The following GARIN1A variants were observed in gnomAD, a reference collection of about 807,000 sequenced individuals.
GARIN1A encodes golgi associated RAB2 interactor 1A.
the GARIN1A span, chr7:128,685,202 C>G: frequency 1.3e-5 from 2 of 152,216 alleles, no homozygotes; most frequent in Non-Finnish European, 2.9e-5. Context: ...CGCCCAGCCC[C>G]ACCACGCCCA....
At chr7:128,675,222 G>C in the GARIN1A span, among the ~76,000 whole-genome samples, 1 of 152,174 alleles carries the variant, frequency 6.6e-6, no homozygotes, top group Non-Finnish European at 1.5e-5. Context: ...CATCCTGGGA[G>C]AAGTGCTCCA....
At chr7:128,674,656 C>CT in the GARIN1A span, among the ~76,000 whole-genome samples, 106 of 150,036 alleles carry the variant, frequency 7.1e-4, no homozygotes, top group African/African-American at 2.2e-3. Context: ...AGAAGTGTCA[C>CT]TTTTTTTTTT....
At chr7:128,681,511 C>A in the GARIN1A span, among the ~76,000 whole-genome samples, 1 of 142,664 alleles carries the variant, frequency 7.0e-6, no homozygotes, top group Non-Finnish European at 1.5e-5. Context: ...CTTTCCTCTC[C>A]TCTCCTTTCC....
At chr7:128,683,239 A>C in the GARIN1A span, 1 of 1,147,326 alleles carries the variant, frequency 8.7e-7, no homozygotes, top group Non-Finnish European at 1.2e-6. Flanking sequence ...ACTGTGAGCC[A>C]AGTGACCTTG....
chr7:128,680,815 C>T, the GARIN1A span, among the ~76,000 whole-genome samples: 19 of 152,168 alleles, frequency 1.2e-4, no homozygotes, highest in Non-Finnish European at 2.9e-5. Flanking sequence ...GATCCACCCA[C>T]CTTGGCCTCC....
chr7:128,700,243 C>T, the GARIN1A span, among the ~76,000 whole-genome samples: 1 of 150,038 alleles, frequency 6.7e-6, no homozygotes, highest in Non-Finnish European at 1.5e-5. Flanking sequence ...TTCTTTAGTA[C>T]TGACATTTAG....
the GARIN1A span, chr7:128,684,927 A>G: frequency 1.3e-5 from 2 of 149,136 alleles, no homozygotes; most frequent in African/African-American, 4.9e-5. Context: ...TTTTTGAGAC[A>G]GTCTTGTTCT....
chr7:128,704,538 C>G, the GARIN1A span, among the ~76,000 whole-genome samples: 1 of 152,100 alleles, frequency 6.6e-6, no homozygotes, highest in East Asian at 1.9e-4. Flanking sequence ...CTCCTGACTT[C>G]AGGTAATCTG....
the GARIN1A span, chr7:128,690,416 AAATAAT>A: frequency 9.1e-6 from 1 of 109,738 alleles, no homozygotes; most frequent in Non-Finnish European, 1.9e-5. Context: ...ATAAATAAAT[AAATAAT>A]AATAATAATA....
chr7:128,672,196 T>C, the GARIN1A span: 4 of 506,034 alleles, frequency 7.9e-6, no homozygotes, highest in Non-Finnish European at 1.4e-5. Context: ...TTTTTTCCCT[T>C]TTCTGTTGTC....
chr7:128,689,142 GGCTC>G, the GARIN1A span, among the ~76,000 whole-genome samples: 1 of 151,682 alleles, frequency 6.6e-6, no homozygotes, highest in Non-Finnish European at 1.5e-5. Flanking sequence ...GCGTGATCTC[GGCTC>G]GCTACAACCT....
chr7:128,698,969 A>C, the GARIN1A span, among the ~76,000 whole-genome samples: 1 of 152,124 alleles, frequency 6.6e-6, no homozygotes, highest in Non-Finnish European at 1.5e-5. Context: ...GAATAGGGGA[A>C]CATCCTGTGT....
the GARIN1A span, among the ~76,000 whole-genome samples, chr7:128,699,702 G>T: frequency 6.6e-5 from 10 of 152,138 alleles, no homozygotes; most frequent in Non-Finnish European, 1.3e-4. Context: ...CAATTGTTGG[G>T]TGTAGTGTTC....
At chr7:128,676,673 G>C in the GARIN1A span, among the ~76,000 whole-genome samples, 1 of 151,376 alleles carries the variant, frequency 6.6e-6, no homozygotes, top group Non-Finnish European at 1.5e-5. Flanking sequence ...GAAATGCTGA[G>C]ATTGAAAAAA....
the GARIN1A span, chr7:128,684,115 C>T: frequency 1.3e-5 from 2 of 152,106 alleles, no homozygotes; most frequent in East Asian, 3.8e-4. Context: ...TATCAGTCTG[C>T]TCAGTTGAAA....
chr7:128,677,504 C>CAAA, the GARIN1A span: 196,975 of 1,220,968 alleles, frequency 0.16, 2,457 homozygotes, highest in East Asian at 0.26. Context: ...GACTCCGTCT[C>CAAA]AAAAAAAAAA....
chr7:128,672,026 G>A, the GARIN1A span, among the ~76,000 whole-genome samples: 2 of 152,158 alleles, frequency 1.3e-5, no homozygotes, highest in Admixed American at 6.6e-5. Flanking sequence ...CATCTGGCCA[G>A]CTCACTGCTG....
the GARIN1A span, chr7:128,683,355 T>C: frequency 2.1e-6 from 1 of 471,642 alleles, no homozygotes; most frequent in Non-Finnish European, 3.7e-6. Context: ...AGGCTCCAGT[T>C]TGGGAAAGGA....
chr7:128,677,506 A>AAAG, the GARIN1A span: 27 of 1,407,022 alleles, frequency 1.9e-5, no homozygotes, highest in East Asian at 6.9e-4. Context: ...CTCCGTCTCA[A>AAAG]AAAAAAAAAA....
Sources: allele counts gnomAD v4.1 joint callset (sites outside exome capture counted in the v4.1 genomes callset), GRCh38; gene constraint gnomAD v4.1.1; transcripts MANE v1.5; gene names NCBI Gene and HGNC (gene_info 2026-07-23, HGNC 2026-07-21).